EFCAB6: variants seen among roughly 807,000 people sequenced by gnomAD.
The protein encoded by EFCAB6 is EF-hand calcium-binding domain-containing protein 6.
Under a neutral mutation model 169.8 loss-of-function variants are expected in EFCAB6, and 156 were observed. That is an observed-to-expected ratio of 0.92 (90% CI 0.81 to 1.05). The LOEUF (loss-of-function observed/expected upper bound fraction) is 1.05. Among genes scored for constraint, EFCAB6 ranks in the 50% least tolerant of loss-of-function variants. The probability of loss-of-function intolerance (pLI) is 0.00; values close to 1 mark genes in which losing one functional copy is unlikely to be tolerated. For synonymous variants in EFCAB6, 698 were observed against 676.4 expected, an observed-to-expected ratio of 1.03 and a Z score of -0.50; for missense variants, 1,800 against 1,829.1, an observed-to-expected ratio of 0.98 and a Z score of 0.29.
intron 17 of EFCAB6, among the ~76,000 whole-genome samples, chr22:43,645,736 T>C (rs1277877288): frequency 2.6e-5 from 4 of 152,226 alleles, no homozygotes; most frequent in Admixed American, 1.3e-4. Context: ...ATGTATAAAA[T>C]TGGACTGCAT....
At chr22:43,599,424 C>T (rs1368516443) in intron 23 of EFCAB6, among the ~76,000 whole-genome samples, 3 of 141,152 alleles carry the variant, frequency 2.1e-5, no homozygotes, top group Non-Finnish European at 3.0e-5. Context: ...TCAGGAGAAT[C>T]GCTTGAACCC....
intron 24 of EFCAB6, among the ~76,000 whole-genome samples, chr22:43,584,260 C>A (rs2050912388): frequency 1.3e-5 from 2 of 152,128 alleles, no homozygotes; most frequent in South Asian, 4.1e-4. Flanking sequence ...CAACCTGAAA[C>A]CTGGAGAGAC....
Position 43,731,741 on chromosome 22 carries a change from T to G in EFCAB6, c.715A>C (p.Ile239Leu), listed in dbSNP as rs1174250123. 1 of 1,604,522 alleles carries G rather than the reference T, an allele frequency of 6.2e-7. No homozygotes were observed. Among genetic ancestry groups the G allele is most frequent in the Non-Finnish European group, 8.5e-7 (1 of 1,176,988 alleles). The change falls in exon 8 of 32, where the codon ATA (isoleucine) becomes CTA (leucine). Residue 239 changes from isoleucine (I) to leucine (L), a missense_variant. Ile to Leu is a conservative substitution (Grantham distance 5, BLOSUM62 2). Coordinates refer to ENST00000262726, the MANE Select transcript of EFCAB6 (RefSeq NM_022785.4). ...DYNVFLKNLS[I>L]NNDLNLRYCM... is the part of the protein sequence containing the mutation. The stretch of plus-strand genomic sequence containing the variant: ...TATCTAAGGTTCAAGTCGTTATTTA[T>G]GCTGAGATTCTTCAAAAACACGTTG...
In EFCAB6 at chr22:43,572,648, A is replaced by T. The variant is rs750279454; in HGVS notation, c.3420+3649T>A. On this transcript the variant is annotated intron_variant, in intron 26 of 31. Transcript: ENST00000262726. This position sits in a 1 kb window ranked among gnomAD's most constrained non-coding sequence, Gnocchi z 4.0. ...GCAGTGCCGGCCAGTCCCTTGCCCG[A>T]TGTCACTGCTCACTCCCTCCCCTCC... Among the ~76,000 whole-genome samples the T allele has an allele frequency of 2.6e-5, 4 of 151,956 alleles. No individual in the cohort carries two copies. The highest frequency in any genetic ancestry group is 9.7e-5 in the African/African-American group (4 of 41,346).
chr22:43,544,082 C>G (rs1289315287), intron 27 of EFCAB6, among the ~76,000 whole-genome samples: 2 of 152,030 alleles, frequency 1.3e-5, no homozygotes, highest in Non-Finnish European at 2.9e-5. Context: ...CCACTCCTCC[C>G]TCCCCAGCCT....
chr22:43,784,676 T>TAC (rs571679900), intron 2 of EFCAB6, among the ~76,000 whole-genome samples: 1,808 of 62,376 alleles, frequency 0.029, 98 homozygotes, highest in South Asian at 0.076. Context: ...TATACATATA[T>TAC]ACACACACAC....
intron 15 of EFCAB6, 83 bp downstream of exon 15, chr22:43,671,890 A>G (rs1251661048): frequency 1.3e-6 from 2 of 1,505,090 alleles, no homozygotes; most frequent in Non-Finnish European, 1.8e-6. Context: ...TAATATTTCA[A>G]AAACACACAG....
chr22:43,633,753 G>A (rs1459826744), intron 18 of EFCAB6, among the ~76,000 whole-genome samples: 26 of 152,112 alleles, frequency 1.7e-4, no homozygotes. Context: ...GGGACAGGGC[G>A]CCCCAAGCTC....
intron 4 of EFCAB6, among the ~76,000 whole-genome samples, chr22:43,771,698 T>G (rs2061476088): frequency 6.6e-6 from 1 of 152,116 alleles, no homozygotes; most frequent in African/African-American, 2.4e-5. Flanking sequence ...ATCCCCCTGG[T>G]GTGGCACACC....
chr22:43,591,381 C>T (rs768732408), intron 23 of EFCAB6, among the ~76,000 whole-genome samples: 16 of 150,316 alleles, frequency 1.1e-4, no homozygotes, highest in East Asian at 3.9e-4. Context: ...CGCTTCAACC[C>T]GGGAGGCAGA....
chr22:43,589,143 G>A (rs1431930599), intron 24 of EFCAB6, among the ~76,000 whole-genome samples: 1 of 152,084 alleles, frequency 6.6e-6, no homozygotes, highest in African/African-American at 2.4e-5. Context: ...TTGGCCGGGT[G>A]TGGTGGCTCA....
chr22:43,599,976 A>G (rs1348703224), intron 23 of EFCAB6, 93 bp downstream of exon 23: 2 of 1,337,772 alleles, frequency 1.5e-6, no homozygotes, highest in East Asian at 4.6e-5. Flanking sequence ...CTTTGCCAGC[A>G]TGGGAAGGTA....
chr22:43,653,920 G>A (rs1412534597), intron 17 of EFCAB6, among the ~76,000 whole-genome samples: 1 of 151,804 alleles, frequency 6.6e-6, no homozygotes, highest in African/African-American at 2.4e-5. Flanking sequence ...AAAGTAAGTA[G>A]GAATAAAGAA....
intron 24 of EFCAB6, among the ~76,000 whole-genome samples, chr22:43,581,191 C>T (rs567176039): frequency 1.3e-5 from 2 of 152,038 alleles, no homozygotes; most frequent in African/African-American, 4.8e-5. Context: ...CCAAGAAGGG[C>T]CTGGACTTAG....
intron 17 of EFCAB6, among the ~76,000 whole-genome samples, chr22:43,662,455 C>T (rs1256876082): frequency 6.6e-6 from 1 of 152,114 alleles, no homozygotes; most frequent in Non-Finnish European, 1.5e-5. Context: ...CAGCCAACAT[C>T]TAAGTGCAGC....
intron 27 of EFCAB6, among the ~76,000 whole-genome samples, chr22:43,543,728 G>A (rs984204898): frequency 1.3e-5 from 2 of 152,136 alleles, no homozygotes; most frequent in Non-Finnish European, 2.9e-5. Context: ...AGCTTCACCC[G>A]AGGCCCAGGA....
chr22:43,695,668 A>T (rs866584897), intron 10 of EFCAB6, among the ~76,000 whole-genome samples: 17 of 152,192 alleles, frequency 1.1e-4, no homozygotes, highest in African/African-American at 4.1e-4. Flanking sequence ...CCAGAAATAT[A>T]CTCACACTTA....
intron 10 of EFCAB6, among the ~76,000 whole-genome samples, chr22:43,692,865 T>A (rs961675764): frequency 4.6e-5 from 7 of 152,086 alleles, no homozygotes; most frequent in South Asian, 2.1e-4. Context: ...TGATTAAAGA[T>A]ATACATTTAC....
At chr22:43,594,294 A>G (rs6006709) in intron 23 of EFCAB6, among the ~76,000 whole-genome samples, 32,465 of 145,312 alleles carry the variant, frequency 0.22, 4,680 homozygotes, top group East Asian at 0.61. Context: ...AAAAAAAAAA[A>G]AAAAGAAAAG....
Sources: allele counts gnomAD v4.1 joint callset (sites outside exome capture counted in the v4.1 genomes callset), GRCh38; gene constraint gnomAD v4.1.1; non-coding constraint Gnocchi (gnomAD v3.1); transcripts MANE v1.5; gene names NCBI Gene and HGNC (gene_info 2026-07-23, HGNC 2026-07-21).